Variants in RIOX2 observed in about 807,000 individuals in gnomAD.
RIOX2 encodes the protein ribosomal oxygenase 2, also known as 60S ribosomal protein L27a histidine hydroxylase.
Under a neutral mutation model 51.2 loss-of-function variants are expected in RIOX2, and 43 were observed. That is an observed-to-expected ratio of 0.84 (90% CI 0.66 to 1.08). RIOX2 has a LOEUF of 1.08. RIOX2 is among the 50% of genes least tolerant of loss of function. RIOX2 has a pLI of 0.00. For synonymous variants in RIOX2, 226 were observed against 218.5 expected, an observed-to-expected ratio of 1.03 and a Z score of -0.30; for missense variants, 566 against 561.7, an observed-to-expected ratio of 1.01 and a Z score of -0.08.
intron 4 of RIOX2, among the ~76,000 whole-genome samples, 200 bp from the exon 5 acceptor site, chr3:97,954,695 A>C (rs1370636229): frequency 6.6e-6 from 1 of 151,354 alleles, no homozygotes; most frequent in African/African-American, 2.4e-5. Flanking sequence ...GTCACTGTTA[A>C]CCATGATCCA....
At chr3:97,959,794 T>C (rs1705608403) in intron 3 of RIOX2, among the ~76,000 whole-genome samples, 2 of 152,220 alleles carry the variant, frequency 1.3e-5, no homozygotes, top group African/African-American at 4.8e-5. Context: ...TATCATCTAC[T>C]ACCATAAAAT....
At chr3:97,949,774 G>C (rs1705168121) in intron 7 of RIOX2, 70 bp downstream of exon 7, 1 of 1,402,530 alleles carries the variant, frequency 7.1e-7, no homozygotes, top group Non-Finnish European at 9.9e-7. Context: ...TCAAAAAGGA[G>C]CCTACCCAGA....
chr3:97,961,352 T>C (rs1705665355), intron 3 of RIOX2, among the ~76,000 whole-genome samples: 1 of 152,222 alleles, frequency 6.6e-6, no homozygotes, highest in Non-Finnish European at 1.5e-5. Context: ...TGTGGCTCTT[T>C]AAATTAGTAA....
chr3:97,963,385 C>T (rs551576012), intron 2 of RIOX2, among the ~76,000 whole-genome samples: 1 of 152,306 alleles, frequency 6.6e-6, no homozygotes, highest in Admixed American at 6.5e-5. Context: ...GCTCTGACCT[C>T]CCAAAGTGCT....
At position 97,943,023 on chromosome 3, in the gene RIOX2, A is replaced by G; in HGVS notation, c.*2161T>C. ...ACAATCATGTATTATACCTTTTAGT[A>G]TTTCAATTTGAGTCATAATAAGGTC... On this transcript the variant is annotated 3_prime_UTR_variant, in exon 10 of 10. Coordinates refer to ENST00000394198, the MANE Select transcript of RIOX2 (RefSeq NM_153182.4). 1.8e-6 allele frequency: 1 copy of G among 543,200 alleles called. No individual in the cohort carries two copies. Among genetic ancestry groups the G allele is most frequent in the Admixed American group, 3.6e-5 (1 of 27,690 alleles). 33.6% of individuals were successfully genotyped at this position (543,200 alleles called of 1,614,324 possible).
chr3:97,945,146 T>A lies in RIOX2; in HGVS notation c.*38A>T. 6.4e-7 allele frequency: 1 copy of A among 1,553,532 alleles called. No homozygotes were observed. The highest frequency in any genetic ancestry group is 2.3e-5 in the East Asian group (1 of 43,840). Reference sequence around the variant, plus strand: ...AGGTCTTTGCTTTTCTTTTAATATATGCATATAAAATAGTAGGCATTTGAT... The same window carrying A: ...AGGTCTTTGCTTTTCTTTTAATATAAGCATATAAAATAGTAGGCATTTGAT... On this transcript the variant is annotated 3_prime_UTR_variant, in exon 10 of 10. Coordinates refer to ENST00000394198, the MANE Select transcript of RIOX2 (RefSeq NM_153182.4).
chr3:97,955,451 A>G (rs1230451861), intron 4 of RIOX2, among the ~76,000 whole-genome samples: 1 of 152,072 alleles, frequency 6.6e-6, no homozygotes, highest in East Asian at 1.9e-4. Context: ...CTGCAACTAC[A>G]AGAGGTAGTC....
At chr3:97,949,694 G>A (rs867304537) in intron 7 of RIOX2, 150 bp downstream of exon 7, 17 of 672,562 alleles carry the variant, frequency 2.5e-5, no homozygotes, top group Admixed American at 1.1e-4. Flanking sequence ...AGCACATCTC[G>A]TCTGCCCATA....
At chr3:97,949,207 G>C (rs912870240) in intron 7 of RIOX2, among the ~76,000 whole-genome samples, 26 of 152,098 alleles carry the variant, frequency 1.7e-4, no homozygotes, top group African/African-American at 6.0e-4. Flanking sequence ...ATTCCCTGGG[G>C]TTGGGGGCGG....
intron 4 of RIOX2, among the ~76,000 whole-genome samples, chr3:97,956,860 TATC>T (rs1272194772): frequency 2.6e-5 from 4 of 152,120 alleles, no homozygotes; most frequent in African/African-American, 9.7e-5. Flanking sequence ...GCAAGGTAAA[TATC>T]ATGATCTCTG....
At chr3:97,965,342 T>C (rs1298741943) in intron 2 of RIOX2, among the ~76,000 whole-genome samples, 2 of 151,494 alleles carry the variant, frequency 1.3e-5, no homozygotes, top group South Asian at 2.1e-4. Context: ...CGAAACCCTG[T>C]CTCTACTAAA....
intron 3 of RIOX2, among the ~76,000 whole-genome samples, chr3:97,961,212 A>G (rs74477052): frequency 0.011 from 1,691 of 152,354 alleles, 11 homozygotes; most frequent in Non-Finnish European, 0.017. Context: ...CTGAAAAAGA[A>G]CAAAATGAAA....
rs759556306 is a variant in RIOX2, at chr3:97,967,399, G to C, written c.195C>G (p.Leu65=). 1.9e-6 allele frequency: 3 copies of C among 1,614,146 alleles called. No homozygotes were observed. The change falls in exon 2 of 10, where the codon CTC becomes CTG. Residue 65 remains leucine, a synonymous_variant. Coordinates refer to ENST00000394198, the MANE Select transcript of RIOX2 (RefSeq NM_153182.4). Reference sequence around the variant, plus strand: ...CCAGTGCAGGGTCATCTCTCTGAATGAGAAGGGGCTTCTGCTCCCAGAATT... The same window carrying C: ...CCAGTGCAGGGTCATCTCTCTGAATCAGAAGGGGCTTCTGCTCCCAGAATT... ...FKEFWEQKPL[L]IQRDDPALAT...
chr3:97,954,928 C>T (rs138175311), intron 4 of RIOX2, among the ~76,000 whole-genome samples: 41 of 152,318 alleles, frequency 2.7e-4, no homozygotes, highest in Admixed American at 1.4e-3. Flanking sequence ...GGCAATTTAC[C>T]TGCCCAAAGC....
chr3:97,945,182 C>A lies in RIOX2; in HGVS notation c.*2G>T. 1 of 1,607,602 alleles carries A rather than the reference C, an allele frequency of 6.2e-7. No homozygotes were observed. Among genetic ancestry groups the A allele is most frequent in the Admixed American group, 1.7e-5 (1 of 59,014 alleles). On this transcript the variant is annotated 3_prime_UTR_variant, in exon 10 of 10. Coordinates refer to ENST00000394198, the MANE Select transcript of RIOX2 (RefSeq NM_153182.4). ...TAGTAGGCATTTGATTCTGCAAAGG[C>A]ACTAGACTACTTGAATTAAACATTC... is the stretch of plus-strand genomic sequence containing the variant.
At chr3:97,962,364 C>T (rs1257561738) in intron 2 of RIOX2, among the ~76,000 whole-genome samples, 1 of 122,108 alleles carries the variant, frequency 8.2e-6, no homozygotes, top group Non-Finnish European at 1.8e-5. Flanking sequence ...AGACCCCCCC[C>T]CCCCCCCCCA....
chr3:97,971,627 GA>G (rs1706136560), intron 1 of RIOX2: 2 of 152,188 alleles, frequency 1.3e-5, no homozygotes. Context: ...TACAAAGCTT[GA>G]TGTCCAGGAG....
intron 7 of RIOX2, 105 bp downstream of exon 7, chr3:97,949,739 A>G: frequency 1.9e-6 from 2 of 1,044,796 alleles, no homozygotes; most frequent in Non-Finnish European, 2.8e-6. Flanking sequence ...CATTAACACG[A>G]AAGCACTTCA....
Position 97,962,360 on chromosome 3 carries a change from C to A in RIOX2, c.433-652G>T, listed in dbSNP as rs865927938. On this transcript the variant is annotated intron_variant, in intron 2 of 9. Transcript: ENST00000394198. Reference sequence around the variant, plus strand: ...TGTTAAGTTTGGAATGCTAAGACCCCCCCCCCCCCCCCCACATGGAGATGT... The same window carrying A: ...TGTTAAGTTTGGAATGCTAAGACCCACCCCCCCCCCCCCACATGGAGATGT... Among the ~76,000 whole-genome samples the A allele has an allele frequency of 4.3e-3, 375 of 86,416 alleles. 7 individuals carry two copies. Among genetic ancestry groups the A allele is most frequent in the African/African-American group, 0.017 (362 of 21,538 alleles). 56.7% of individuals were successfully genotyped at this position (86,416 alleles called of 152,430 possible). A position where few individuals can be genotyped will look rare whatever the true frequency, so the allele number is the denominator to read the frequency against.
Sources: allele counts gnomAD v4.1 joint callset (sites outside exome capture counted in the v4.1 genomes callset), GRCh38; gene constraint gnomAD v4.1.1; transcripts MANE v1.5; gene names NCBI Gene and HGNC (gene_info 2026-07-23, HGNC 2026-07-21).